NAV1: variants seen among roughly 807,000 people sequenced by gnomAD.
The protein encoded by NAV1 is pore membrane and/or filament interacting like protein 3.
A neutral mutation model predicts 175.2 loss-of-function variants in NAV1; 18 were observed. The ratio of observed to expected loss-of-function variants is 0.10; its 90% CI spans 0.07 to 0.15. NAV1 has a LOEUF of 0.15. Ranked by LOEUF, NAV1 falls within the 10% of genes least tolerant of loss-of-function variation. The pLI, the probability that NAV1 is intolerant of heterozygous loss-of-function variation, is 1.00. For missense variants in NAV1, 1,731 were observed against 2,436.6 expected, an observed-to-expected ratio of 0.71 and a Z score of 6.10; for synonymous variants, 897 against 978.7, an observed-to-expected ratio of 0.92 and a Z score of 1.56.
At chr1:201,704,421 C>CG (rs941980502) in intron 1 of NAV1, among the ~76,000 whole-genome samples, 2 of 152,286 alleles carry the variant, frequency 1.3e-5, no homozygotes, top group East Asian at 1.9e-4. Flanking sequence ...GAGAGCCTGG[C>CG]GGGGGCTGGA....
intron 2 of NAV1, among the ~76,000 whole-genome samples, chr1:201,612,186 C>T (rs540347756): frequency 6.6e-6 from 1 of 152,062 alleles, no homozygotes; most frequent in Non-Finnish European, 1.5e-5. Context: ...CATGGTGGCT[C>T]ATGCCTATAA....
At chr1:201,553,914 G>T (rs547909378) in intron 1 of NAV1, among the ~76,000 whole-genome samples, 1 of 152,176 alleles carries the variant, frequency 6.6e-6, no homozygotes, top group Non-Finnish European at 1.5e-5. Context: ...CTTTCATTGC[G>T]GTAGGATTCA....
intron 1 of NAV1, among the ~76,000 whole-genome samples, chr1:201,658,122 G>T (rs1431517445): frequency 6.6e-6 from 1 of 152,174 alleles, no homozygotes; most frequent in East Asian, 1.9e-4. Context: ...GCCTCCAGGA[G>T]CCTCAAGACT....
intron 2 of NAV1, among the ~76,000 whole-genome samples, chr1:201,717,099 G>A (rs1672170742): frequency 6.6e-6 from 1 of 152,204 alleles, no homozygotes; most frequent in Non-Finnish European, 1.5e-5. Context: ...TAGAAAATAA[G>A]ACCGTATTTT....
At chr1:201,739,993 A>C in intron 3 of NAV1, 1 of 1,454,252 alleles carries the variant, frequency 6.9e-7, no homozygotes, top group South Asian at 1.4e-5. Flanking sequence ...CTGGGTGCCC[A>C]CCCGGTGAAT....
intron 2 of NAV1, among the ~76,000 whole-genome samples, chr1:201,641,705 A>G (rs1226119170): frequency 1.3e-5 from 2 of 151,132 alleles, no homozygotes; most frequent in African/African-American, 4.9e-5. Context: ...GGCAGTGACA[A>G]CTCCATGCTG....
Position 201,789,782 on chromosome 1 carries a change from C to A in NAV1, c.3209C>A (p.Thr1070Asn), listed in dbSNP as rs372402770. 1.5e-5 allele frequency: 25 copies of A among 1,614,044 alleles called. No homozygotes were observed. The highest frequency in any genetic ancestry group is 1.5e-4 in the African/African-American group (11 of 75,056). The change falls in exon 11 of 30, where the codon ACC becomes AAC. Residue 1070 changes from threonine to asparagine, a missense_variant. Around this residue, in one of 13 missense-constraint regions of NAV1, gnomAD observed 85 missense variants for 168.7 expected, o/e 0.50. Transcript: ENST00000367296. ...TCCCTGGCCTCCAGTGCCTCCTCCA[C>A]CTACTCCTCAGTAAGAGCATTAACT...
rs1238086316 is a variant in NAV1, at chr1:201,748,294, T to G, written c.1226+29539T>G. ...GTTTATAGCAATTGCTTTCATCTTT[T>G]ATGGGTGCATCTCATGTTTGCCATG... On this transcript the variant is annotated intron_variant, in intron 3 of 29. Coordinates refer to ENST00000367296, the Ensembl canonical transcript of NAV1. 3.9e-5 allele frequency among the ~76,000 whole-genome samples: 6 copies of G among 152,334 alleles called. No homozygotes were observed. The East Asian group carries it at 1.2e-3, about 29-fold the overall frequency.
At chr1:201,716,926 C>T (rs1672165322) in intron 2 of NAV1, among the ~76,000 whole-genome samples, 1 of 152,042 alleles carries the variant, frequency 6.6e-6, no homozygotes, top group Admixed American at 6.5e-5. Context: ...GGAGGGGAGC[C>T]GCTGGGCATG....
At chr1:201,647,243 C>T (rs534142398), upstream of NAV1, among the ~76,000 whole-genome samples, 6 of 152,344 alleles carry the variant, frequency 3.9e-5, no homozygotes, top group South Asian at 1.2e-3. Context: ...AGGCAAACTG[C>T]AGACTACTCC....
chr1:201,553,494 C>T (rs763748842), intron 1 of NAV1, among the ~76,000 whole-genome samples: 1 of 152,340 alleles, frequency 6.6e-6, no homozygotes, highest in South Asian at 2.1e-4. Flanking sequence ...AGGAGGGAAT[C>T]CTTTTCTCTT....
chr1:201,762,658 G>A (rs1172786279), intron 3 of NAV1, among the ~76,000 whole-genome samples: 2 of 152,328 alleles, frequency 1.3e-5, no homozygotes, highest in Admixed American at 1.3e-4. Flanking sequence ...GGCCTGCAAA[G>A]CCTCATAAAT....
exon 30 of NAV1, chr1:201,824,320 T>C (rs1679552976): frequency 6.6e-6 from 1 of 152,160 alleles, no homozygotes; most frequent in South Asian, 2.1e-4. Context: ...TTCTGGCTCA[T>C]GGCTCCACTG....
rs370345313 is a variant in NAV1, at chr1:201,803,752, C to T, written c.3639+38C>T. ...TTGGGGGGTGGGAAGTAGGTAGAAC[C>T]GTGGTGGACCGCCTTCACCTCAGCA... On this transcript the variant is annotated intron_variant, in intron 16 of 29. Coordinates refer to ENST00000367296, the Ensembl canonical transcript of NAV1. The T allele has an allele frequency of 2.9e-5, 46 of 1,598,432 alleles. 1 individual carries two copies. Among genetic ancestry groups the T allele is most frequent in the South Asian group, 3.4e-5 (3 of 89,010 alleles).
rs1291855063 is a variant in NAV1, at chr1:201,782,105, G to A, written c.1664-71G>A. 2.9e-6 allele frequency: 4 copies of A among 1,357,428 alleles called. No individual in the cohort carries two copies. The highest frequency in any genetic ancestry group is 4.0e-6 in the Non-Finnish European group (4 of 994,954). The allele number at this position is 1,357,428 out of a possible 1,614,324, so 84.1% of individuals were successfully genotyped here. A position where few individuals can be genotyped will look rare whatever the true frequency, so the allele number is the denominator to read the frequency against. ...GACAATGTTCCCTTCTCCCATGGAG[G>A]GAAAGAAAAGGGTGGGTTTTTAAGA... On this transcript the variant is annotated intron_variant, in intron 5 of 29. Coordinates refer to ENST00000367296, the Ensembl canonical transcript of NAV1. The surrounding 1 kb of genome is among the most constrained non-coding windows in gnomAD (Gnocchi z 5.4).
chr1:201,710,680 G>C (rs2102466301), intron 1 of NAV1, among the ~76,000 whole-genome samples: 1 of 152,324 alleles, frequency 6.6e-6, no homozygotes, highest in Middle Eastern at 3.4e-3. Flanking sequence ...TTCTTCCTGG[G>C]CTCAACTCTG....
chr1:201,662,781 C>T (rs925031101), intron 1 of NAV1, among the ~76,000 whole-genome samples: 1 of 152,188 alleles, frequency 6.6e-6, no homozygotes, highest in Non-Finnish European at 1.5e-5. Flanking sequence ...AACCTAGAGG[C>T]GACTAGTGCT....
rs1571493451 is a variant in NAV1 at position 201,787,110 on chromosome 1, C to T, written c.2995+533C>T. On this transcript the variant is annotated intron_variant, in intron 9 of 29. Transcript: ENST00000367296. This position sits in a 1 kb window ranked among gnomAD's most constrained non-coding sequence, Gnocchi z 4.3. ...CTGACTCAGATGTGTCCTGGCCACC[C>T]CCTTCCTAAAGCCTAGGGAGAAAGG... Among the ~76,000 whole-genome samples the T allele has an allele frequency of 6.6e-6, 1 of 152,196 alleles. No homozygotes were observed. Among genetic ancestry groups the T allele is most frequent in the South Asian group, 2.1e-4 (1 of 4,830 alleles).
chr1:201,627,144 G>A (rs960741460), intron 1 of NAV1, among the ~76,000 whole-genome samples: 3 of 152,302 alleles, frequency 2.0e-5, no homozygotes, highest in Non-Finnish European at 4.4e-5. Context: ...CCCCAGGCTG[G>A]GGTGCAGTGG....
Sources: allele counts gnomAD v4.1 joint callset (sites outside exome capture counted in the v4.1 genomes callset), GRCh38; gene constraint gnomAD v4.1.1; regional missense constraint gnomAD v4.1.1; non-coding constraint Gnocchi (gnomAD v3.1); transcripts MANE v1.5; gene names NCBI Gene and HGNC (gene_info 2026-07-23, HGNC 2026-07-21).